Variants in POLR3GL observed in about 807,000 individuals in gnomAD.
POLR3GL encodes RNA polymerase III subunit GL.
A neutral mutation model predicts 32.4 loss-of-function variants in POLR3GL; 26 were observed. The observed-to-expected ratio is 0.80, with a 90% CI of 0.59 to 1.11. POLR3GL has a LOEUF of 1.11. POLR3GL is among the 50% of genes most tolerant of loss of function. The probability of loss-of-function intolerance (pLI) is 0.00; values close to 1 mark genes in which losing one functional copy is unlikely to be tolerated. For missense variants in POLR3GL, 229 were observed against 280.1 expected, an observed-to-expected ratio of 0.82 and a Z score of 1.30; for synonymous variants, 95 against 98.7, an observed-to-expected ratio of 0.96 and a Z score of 0.22.
At chr1:145,969,535 T>C (rs1650185987) in intron 1 of POLR3GL, among the ~76,000 whole-genome samples, 1 of 151,530 alleles carries the variant, frequency 6.6e-6, no homozygotes, top group Non-Finnish European at 1.5e-5. Context: ...GTGTTGGGAT[T>C]ACAGGCATGA....
At chr1:145,975,564 C>A in intron 3 of POLR3GL, 128 bp downstream of exon 3, 1 of 1,043,114 alleles carries the variant, frequency 9.6e-7, no homozygotes, top group Non-Finnish European at 1.4e-6. Context: ...ATAGTTACCC[C>A]TGTATCTGAA....
intron 2 of POLR3GL, 133 bp downstream of exon 2, chr1:145,975,124 G>A: frequency 7.6e-7 from 1 of 1,323,856 alleles, no homozygotes; most frequent in Non-Finnish European, 1.0e-6. Flanking sequence ...GCACAGGGAT[G>A]TTTTGCAGGC....
At chr1:145,965,344 A>G (rs151296676) in intron 1 of POLR3GL, among the ~76,000 whole-genome samples, 610 of 152,362 alleles carry the variant, frequency 4.0e-3, no homozygotes, top group Non-Finnish European at 6.6e-3. Context: ...AACTCCTAAC[A>G]TAACTAGGGA....
At chr1:145,967,739 A>T (rs1385690523) in intron 1 of POLR3GL, among the ~76,000 whole-genome samples, 6 of 152,150 alleles carry the variant, frequency 3.9e-5, no homozygotes, top group African/African-American at 1.4e-4. Flanking sequence ...CCTCCACTGG[A>T]ATGAAAGCTC....
In POLR3GL at chr1:145,977,127, T is replaced by A. The variant is rs587676347; in HGVS notation, c.300T>A (p.Ile100=). Residue 100 remains isoleucine, a synonymous_variant, in exon 4 of 8, where the codon ATT becomes ATA. Transcript: ENST00000369314. ...ACAAATATCAGATGTCAGGTCCGAT[T>A]GACAATGCCATCGATTGGAACCCTG... ...YSDKYQMSGP[I]DNAIDWNPDW... is the part of the protein sequence containing the mutation. The A allele has an allele frequency of 6.2e-7, 1 of 1,613,968 alleles. No homozygotes were observed. Among genetic ancestry groups the A allele is most frequent in the South Asian group, 1.1e-5 (1 of 91,072 alleles).
At chr1:145,971,924 C>G (rs1650318165) in intron 1 of POLR3GL, among the ~76,000 whole-genome samples, 1 of 127,934 alleles carries the variant, frequency 7.8e-6, no homozygotes, top group Non-Finnish European at 1.6e-5. Context: ...GAGATTGCGC[C>G]ACTGCACTCC....
chr1:145,977,040 C>G (rs1169755916), intron 3 of POLR3GL, 44 bp from the exon 4 acceptor site: 1 of 1,501,448 alleles, frequency 6.7e-7, no homozygotes, highest in African/African-American at 1.4e-5. Flanking sequence ...CAGTCCTGTT[C>G]TGGGTCTCTG....
intron 1 of POLR3GL, among the ~76,000 whole-genome samples, chr1:145,971,092 A>G (rs587603722): frequency 6.4e-5 from 9 of 140,836 alleles, no homozygotes; most frequent in African/African-American, 2.4e-4. Context: ...AGGCTGAGGC[A>G]GGAGAATCGC....
intron 1 of POLR3GL, among the ~76,000 whole-genome samples, chr1:145,970,710 A>G (rs2101932386): frequency 6.6e-6 from 1 of 151,060 alleles, no homozygotes; most frequent in East Asian, 2.0e-4. Flanking sequence ...CGTCTCTACT[A>G]AAAATACAAA....
intron 1 of POLR3GL, among the ~76,000 whole-genome samples, chr1:145,967,427 C>T (rs782148098): frequency 3.9e-4 from 59 of 152,132 alleles, no homozygotes; most frequent in Non-Finnish European, 6.9e-4. Flanking sequence ...CTGTCCACCT[C>T]GGCCTCCCAA....
Position 145,974,974 on chromosome 1 carries a change from C to G in POLR3GL, c.109C>G (p.Pro37Ala). 1 of 1,518,512 alleles carries G rather than the reference C, an allele frequency of 6.6e-7. No individual in the cohort carries two copies. The highest frequency in any genetic ancestry group is 8.8e-7 in the Non-Finnish European group (1 of 1,137,968). The allele number at this position is 1,518,512 out of a possible 1,614,324, so 94.1% of individuals were successfully genotyped here. A position where few individuals can be genotyped will look rare whatever the true frequency, so the allele number is the denominator to read the frequency against. The change falls in exon 2 of 8, where the codon CCT becomes GCT. Residue 37 changes from proline to alanine, a missense_variant. Transcript: ENST00000369314. ...GDALPPPTLQ[P>A]SPLFPPLEFR... ...TGCTTTGCCCCCACCCACCCTGCAG[C>G]CTTCTCCACTCTTCCCTGTGAGTCT...
chr1:145,971,961 T>C (rs1225442489), intron 1 of POLR3GL, among the ~76,000 whole-genome samples: 3 of 48,796 alleles, frequency 6.1e-5, no homozygotes, highest in African/African-American at 3.7e-4. Context: ...TGAGACTCTG[T>C]CTCAAAAAAA....
In POLR3GL at chr1:145,978,063, A is replaced by G. The variant is rs782147716; in HGVS notation, c.537A>G (p.Glu179=). Residue 179 remains glutamate (E), a synonymous_variant, in exon 7 of 8, where the codon GAA becomes GAG. Transcript: ENST00000369314. ...AAGAAGAAGAGAAGGAAGAGGAGGA[A>G]GAAGAAGAGTATGATGAAGAAGAAC... ...KEEEEEKEEE[E]EEEYDEEEHE... is the part of the protein sequence containing the mutation. 8 of 1,604,580 alleles carry G rather than the reference A, an allele frequency of 5.0e-6. No individual in the cohort carries two copies. Among genetic ancestry groups the G allele is most frequent in the East Asian group, 2.2e-5 (1 of 44,830 alleles).
At chr1:145,967,688 C>T (rs905279452) in intron 1 of POLR3GL, among the ~76,000 whole-genome samples, 3 of 152,332 alleles carry the variant, frequency 2.0e-5, no homozygotes, top group South Asian at 4.2e-4. Flanking sequence ...TTAGGGGTCT[C>T]ACCTAGTCTC....
intron 1 of POLR3GL, among the ~76,000 whole-genome samples, chr1:145,967,435 C>T (rs1650089642): frequency 6.6e-6 from 1 of 152,138 alleles, no homozygotes; most frequent in Non-Finnish European, 1.5e-5. Flanking sequence ...CTCGGCCTCC[C>T]AAAACCCTGG....
chr1:145,975,262 A>G (rs782471839), intron 2 of POLR3GL, 45 bp from the exon 3 acceptor site: 7 of 1,591,912 alleles, frequency 4.4e-6, no homozygotes, highest in Non-Finnish European at 5.2e-6. Context: ...CTAAATTTGT[A>G]CTAGCATTTT....
chr1:145,972,067 A>G (rs934628726), intron 1 of POLR3GL, among the ~76,000 whole-genome samples: 1 of 146,258 alleles, frequency 6.8e-6, no homozygotes, highest in African/African-American at 2.5e-5. Context: ...GAAATTCCCT[A>G]TACACAGTCC....
At chr1:145,978,223 A>T (rs1380007725) in intron 7 of POLR3GL, 127 bp downstream of exon 7, 3 of 1,370,508 alleles carry the variant, frequency 2.2e-6, no homozygotes, top group South Asian at 2.7e-5. Context: ...TCTCTACTTC[A>T]TCTGCCCCCC....
chr1:145,974,256 G>A (rs1283693179), intron 1 of POLR3GL, among the ~76,000 whole-genome samples: 11 of 152,176 alleles, frequency 7.2e-5, no homozygotes, highest in African/African-American at 1.2e-4. Flanking sequence ...CATGGTAGAC[G>A]ATTAATAAAT....
Sources: allele counts gnomAD v4.1 joint callset (sites outside exome capture counted in the v4.1 genomes callset), GRCh38; gene constraint gnomAD v4.1.1; transcripts MANE v1.5; gene names NCBI Gene and HGNC (gene_info 2026-07-23, HGNC 2026-07-21).